Variants in GRAMD1B observed in about 807,000 individuals in gnomAD.
GRAMD1B encodes the protein protein Aster-B.
Under a neutral mutation model 99.7 loss-of-function variants are expected in GRAMD1B, and 37 were observed. The observed-to-expected ratio is 0.37, with a 90% confidence interval of 0.29 to 0.49. GRAMD1B has a LOEUF of 0.49. Among genes scored for constraint, GRAMD1B ranks in the 20% least tolerant of loss-of-function variants. The pLI is 0.98. For synonymous variants in GRAMD1B, 427 were observed against 387.6 expected (o/e 1.10, Z -1.19); for missense variants, 888 against 1,009.2 (o/e 0.88, Z 1.63).
At chr11:123,577,177 C>T (rs531418852) in intron 2 of GRAMD1B, among the ~76,000 whole-genome samples, 190 bp from the exon 3 acceptor site, 2 of 152,244 alleles carry the variant, frequency 1.3e-5, no homozygotes, top group African/African-American at 4.8e-5. Flanking sequence ...GCTGCCCTCC[C>T]GTGGCCAACG....
chr11:123,486,672 C>T (rs117553712), intron 2 of GRAMD1B, among the ~76,000 whole-genome samples: 1,550 of 152,174 alleles, frequency 0.01, 28 homozygotes, highest in Non-Finnish European at 0.011. Context: ...TGGTATTTCC[C>T]CTCAAGAAGC....
chr11:123,524,964 A>G (rs879464131), intron 2 of GRAMD1B, among the ~76,000 whole-genome samples: 1 of 152,140 alleles, frequency 6.6e-6, no homozygotes, highest in Admixed American at 6.5e-5. Flanking sequence ...GGAGGATCTG[A>G]TTTAGGAGGA....
chr11:123,541,992 A>C (rs1944583220), intron 2 of GRAMD1B, among the ~76,000 whole-genome samples: 2 of 152,266 alleles, frequency 1.3e-5, no homozygotes, highest in Non-Finnish European at 2.9e-5. Context: ...GGTGCCAGGT[A>C]GATGAGTACC....
At chr11:123,437,927 CTG>C (rs1469786616) in intron 1 of GRAMD1B, among the ~76,000 whole-genome samples, 1 of 152,192 alleles carries the variant, frequency 6.6e-6, no homozygotes, top group Non-Finnish European at 1.5e-5. Context: ...CTTCTCCGCT[CTG>C]TGTGTGCCCT....
chr11:123,592,231 T>C lies in GRAMD1B; in HGVS notation c.685-1851T>C, dbSNP rs977079983. Among the ~76,000 whole-genome samples, 5 of 152,214 alleles carry C rather than the reference T, an allele frequency of 3.3e-5. No homozygotes were observed. In the South Asian group the frequency reaches 1.0e-3, roughly 32 times the overall value. On this transcript the variant is annotated intron_variant, in intron 4 of 19. Transcript: ENST00000635736. The stretch of plus-strand genomic sequence containing the variant: ...GCAGGGGCCGCAAAGCAGGTAAATA[T>C]CTCATTCTCAAGGGAGTGTGCTCTT...
intron 1 of GRAMD1B, among the ~76,000 whole-genome samples, chr11:123,477,641 T>G (rs1951356377): frequency 8.0e-6 from 1 of 125,644 alleles, no homozygotes. Flanking sequence ...TCCCCTCCCT[T>G]CCCTCCCTTC....
At chr11:123,549,242 G>A (rs1272745500) in intron 2 of GRAMD1B, among the ~76,000 whole-genome samples, 2 of 152,128 alleles carry the variant, frequency 1.3e-5, no homozygotes, top group Non-Finnish European at 2.9e-5. Context: ...GCAGAGCTGT[G>A]AGATGAAGAA....
chr11:123,509,676 C>T (rs547641698), intron 2 of GRAMD1B, among the ~76,000 whole-genome samples: 55 of 152,368 alleles, frequency 3.6e-4, no homozygotes, highest in Middle Eastern at 3.4e-3. Context: ...CTGTTCCTCT[C>T]TTCCCAACAG....
chr11:123,438,825 G>A (rs1326911298), intron 1 of GRAMD1B, among the ~76,000 whole-genome samples: 1 of 152,188 alleles, frequency 6.6e-6, no homozygotes, highest in Non-Finnish European at 1.5e-5. Flanking sequence ...ATTGCTTCTA[G>A]GGTAACGCAG....
chr11:123,573,751 T>A (rs537545985), intron 2 of GRAMD1B, among the ~76,000 whole-genome samples: 1 of 152,352 alleles, frequency 6.6e-6, no homozygotes, highest in South Asian at 2.1e-4. Flanking sequence ...CAGGAGCTCA[T>A]GAACACTCAA....
chr11:123,415,142 C>T (rs1196418429), intron 1 of GRAMD1B, among the ~76,000 whole-genome samples: 18 of 115,636 alleles, frequency 1.6e-4, no homozygotes, highest in Non-Finnish European at 2.8e-4. Flanking sequence ...CTGGCTCTGT[C>T]GCCAGGCTGG....
chr11:123,598,534 A>T, intron 7 of GRAMD1B: 3 of 1,527,282 alleles, frequency 2.0e-6, no homozygotes, highest in Non-Finnish European at 2.7e-6. Flanking sequence ...GTGCCCTTTG[A>T]CTTGGGATTT....
intron 8 of GRAMD1B, 23 bp from the exon 9 acceptor site, chr11:123,603,403 G>T: frequency 7.0e-7 from 1 of 1,429,062 alleles, no homozygotes; most frequent in Non-Finnish European, 9.9e-7. Flanking sequence ...GCAAGGCTCA[G>T]TCGTTCCTTT....
rs1433790512 is a variant in GRAMD1B at position 123,615,080 on chromosome 11, T to A, written c.2318+245T>A. Among the ~76,000 whole-genome samples, 4 of 152,232 alleles carry A rather than the reference T, an allele frequency of 2.6e-5. No homozygotes were observed. The East Asian group carries it at 7.7e-4, about 29-fold the overall frequency. On this transcript the variant is annotated intron_variant, in intron 17 of 19. Coordinates refer to ENST00000635736, the MANE Select transcript of GRAMD1B (RefSeq NM_001387025.1). ...TCAGAAGAAAATGCTTCATGCAGCATCCATACCCTTCAGGGTTTCAGTTTC... is the reference window on the plus strand; with the variant it reads ...TCAGAAGAAAATGCTTCATGCAGCAACCATACCCTTCAGGGTTTCAGTTTC...
intron 1 of GRAMD1B, among the ~76,000 whole-genome samples, chr11:123,478,620 G>T (rs2134788975): frequency 6.6e-6 from 1 of 152,270 alleles, no homozygotes; most frequent in East Asian, 1.9e-4. Flanking sequence ...TATCAGCTTA[G>T]AATTATTTTT....
chr11:123,453,941 A>C (rs999906266), intron 1 of GRAMD1B, among the ~76,000 whole-genome samples: 6 of 152,216 alleles, frequency 3.9e-5, no homozygotes, highest in African/African-American at 1.4e-4. Flanking sequence ...ATTTCTTCCA[A>C]GGCTCTGTAT....
At chr11:123,462,893 A>AAT (rs1555126024) in intron 1 of GRAMD1B, among the ~76,000 whole-genome samples, 52 of 122,982 alleles carry the variant, frequency 4.2e-4, no homozygotes, top group South Asian at 1.3e-3. Context: ...AAATAAATTA[A>AAT]AAAAAAAAAA....
chr11:123,525,075 C>T (rs866090681), intron 2 of GRAMD1B, among the ~76,000 whole-genome samples: 3 of 152,170 alleles, frequency 2.0e-5, no homozygotes, highest in African/African-American at 7.2e-5. Flanking sequence ...CTTCTTGGAG[C>T]CCAGGATTGG....
intron 1 of GRAMD1B, among the ~76,000 whole-genome samples, chr11:123,376,999 G>A (rs1296318509): frequency 6.6e-6 from 1 of 152,166 alleles, no homozygotes; most frequent in African/African-American, 2.4e-5. Flanking sequence ...AGTTCTACGT[G>A]TATTAATCAG....
Sources: gnomAD v4.1 joint callset for allele counts (sites outside exome capture counted in the v4.1 genomes callset) on GRCh38, gnomAD v4.1.1 for gene constraint, MANE v1.5 for transcripts, NCBI Gene and HGNC (gene_info 2026-07-23, HGNC 2026-07-21) for gene names.